SDK1: variants seen among roughly 807,000 people sequenced by gnomAD.
SDK1 encodes protein sidekick-1.
Under a neutral mutation model 245.5 loss-of-function variants are expected in SDK1, and 157 were observed. That is an observed-to-expected ratio of 0.64 (90% confidence interval 0.56 to 0.73). The LOEUF (loss-of-function observed/expected upper bound fraction) is 0.73. SDK1 is among the 30% of genes least tolerant of loss of function. The pLI, the probability that SDK1 is intolerant of heterozygous loss-of-function variation, is 0.00. For synonymous variants in SDK1, 1,647 were observed against 1,278.5 expected (o/e 1.29, Z -6.15); for missense variants, 3,583 against 3,002.3 (o/e 1.19, Z -4.52).
chr7:3,932,887 T>C lies in SDK1; in HGVS notation c.848-18036T>C, dbSNP rs530563544. ...AACACCCACCTCTGTCTCACCTGTGTGTTCAGATAGGGTGTGGCCGATTGT... is the reference window on the plus strand; with the variant it reads ...AACACCCACCTCTGTCTCACCTGTGCGTTCAGATAGGGTGTGGCCGATTGT... On this transcript the variant is annotated intron_variant, in intron 5 of 44. Transcript: ENST00000404826. 3.3e-5 allele frequency among the ~76,000 whole-genome samples: 5 copies of C among 152,240 alleles called. No individual in the cohort carries two copies. In the South Asian group the frequency reaches 1.0e-3, roughly 32 times the overall value.
At chr7:3,776,494 T>C (rs1780567006) in intron 4 of SDK1, among the ~76,000 whole-genome samples, 1 of 152,202 alleles carries the variant, frequency 6.6e-6, no homozygotes, top group Non-Finnish European at 1.5e-5. Context: ...TCAGATCCCA[T>C]TGTTGTGTAA....
At position 3,345,041 on chromosome 7, in the gene SDK1, C is replaced by G. The variant is rs561208207; in HGVS notation, c.298+43157C>G. On this transcript the variant is annotated intron_variant, in intron 1 of 44. Transcript: ENST00000404826. ...TTGTGCTTTATTACAGATTTTAAAA[C>G]ATATTGCAAGAAGTTAAGCGTTTAT... Among the ~76,000 whole-genome samples the G allele has an allele frequency of 4.6e-5, 7 of 152,252 alleles. No homozygotes were observed. The East Asian group carries it at 1.3e-3, about 29-fold the overall frequency.
intron 5 of SDK1, among the ~76,000 whole-genome samples, chr7:3,949,523 G>A (rs912903946): frequency 2.6e-5 from 4 of 152,192 alleles, no homozygotes; most frequent in Admixed American, 6.5e-5. Context: ...CGATGGTGGC[G>A]AGTCCCTTCA....
intron 17 of SDK1, among the ~76,000 whole-genome samples, chr7:4,029,223 T>C (rs904144943): frequency 7.7e-6 from 1 of 130,486 alleles, no homozygotes; most frequent in African/African-American, 4.0e-5. Flanking sequence ...TCTTTTTTTT[T>C]TTTTTTGTGA....
chr7:3,336,672 A>G (rs1204688849), intron 1 of SDK1, among the ~76,000 whole-genome samples: 1 of 152,084 alleles, frequency 6.6e-6, no homozygotes, highest in Non-Finnish European at 1.5e-5. Context: ...GGATGCAGCA[A>G]CAAACTGGCA....
intron 1 of SDK1, among the ~76,000 whole-genome samples, chr7:3,538,942 G>T (rs1184287131): frequency 6.6e-6 from 1 of 152,192 alleles, no homozygotes; most frequent in Non-Finnish European, 1.5e-5. Context: ...TTTTTTGCTG[G>T]ATTCCTTTTC....
At chr7:3,984,203 A>G (rs1030908500) in intron 13 of SDK1, among the ~76,000 whole-genome samples, 1 of 152,000 alleles carries the variant, frequency 6.6e-6, no homozygotes, top group Non-Finnish European at 1.5e-5. Context: ...GGGCAGAGGG[A>G]TGGAGGGACA....
chr7:3,894,680 A>G (rs903653720), intron 5 of SDK1, among the ~76,000 whole-genome samples: 1 of 151,810 alleles, frequency 6.6e-6, no homozygotes, highest in African/African-American at 2.4e-5. Context: ...AAACTAAAGC[A>G]GAGTAATACT....
At chr7:3,792,319 G>A (rs1356931414) in intron 4 of SDK1, among the ~76,000 whole-genome samples, 1 of 151,992 alleles carries the variant, frequency 6.6e-6, no homozygotes, top group Non-Finnish European at 1.5e-5. Flanking sequence ...AACTGCATGT[G>A]CCTTTCCTCC....
chr7:3,423,326 T>C (rs1779583271), intron 1 of SDK1, among the ~76,000 whole-genome samples: 1 of 152,198 alleles, frequency 6.6e-6, no homozygotes. Flanking sequence ...AGGAGGAAAT[T>C]ATGTAGTTAA....
chr7:4,010,718 G>T (rs939889837), intron 14 of SDK1, among the ~76,000 whole-genome samples: 6 of 152,170 alleles, frequency 3.9e-5, no homozygotes, highest in Non-Finnish European at 8.8e-5. Context: ...GCCGTATGCA[G>T]GTTGCACAAA....
intron 17 of SDK1, among the ~76,000 whole-genome samples, chr7:4,038,621 A>G (rs958829636): frequency 2.0e-5 from 3 of 152,178 alleles, no homozygotes; most frequent in African/African-American, 7.2e-5. Context: ...ACTGGTCCCA[A>G]ACATGTTGCT....
chr7:3,657,546 T>G lies in SDK1; in HGVS notation c.713+15441T>G, dbSNP rs148560926. On this transcript the variant is annotated intron_variant, in intron 4 of 44. Coordinates refer to ENST00000404826, the MANE Select transcript of SDK1 (RefSeq NM_152744.4). Reference sequence around the variant, plus strand: ...GAGGGACTGTGAGAGCCAGCTGTGCTCTCTCGTCACTTTCTGCCTGTGAGC... The same window carrying G: ...GAGGGACTGTGAGAGCCAGCTGTGCGCTCTCGTCACTTTCTGCCTGTGAGC... 9.1e-4 allele frequency among the ~76,000 whole-genome samples: 138 copies of G among 152,266 alleles called. No individual in the cohort carries two copies. The Middle Eastern group carries it at 0.01, about 11-fold the overall frequency.
chr7:3,670,712 G>C (rs1686814196), intron 4 of SDK1, among the ~76,000 whole-genome samples: 1 of 152,158 alleles, frequency 6.6e-6, no homozygotes, highest in African/African-American at 2.4e-5. Flanking sequence ...CCACCCGCTT[G>C]CTTCCCTTGC....
At chr7:3,826,265 G>A (rs527552591) in intron 5 of SDK1, among the ~76,000 whole-genome samples, 1 of 152,324 alleles carries the variant, frequency 6.6e-6, no homozygotes, top group Admixed American at 6.5e-5. Context: ...CCATCAGACA[G>A]AAGAGAGGAC....
chr7:3,873,675 T>G (rs1166868707), intron 5 of SDK1, among the ~76,000 whole-genome samples: 1 of 152,202 alleles, frequency 6.6e-6, no homozygotes, highest in Non-Finnish European at 1.5e-5. Context: ...ATTGATTAAT[T>G]CCTATTGACC....
chr7:4,141,870 C>A (rs982963522), intron 28 of SDK1, among the ~76,000 whole-genome samples: 2 of 152,170 alleles, frequency 1.3e-5, no homozygotes, highest in East Asian at 3.9e-4. Flanking sequence ...GATTCTCCTG[C>A]CTCAGCCTCC....
chr7:3,590,248 G>C (rs1330548989), intron 1 of SDK1, among the ~76,000 whole-genome samples: 1 of 147,400 alleles, frequency 6.8e-6, no homozygotes, highest in African/African-American at 2.5e-5. Context: ...AATTTTAGTG[G>C]ATTTGATGTA....
At chr7:4,009,017 G>A (rs934712384) in intron 14 of SDK1, among the ~76,000 whole-genome samples, 9 of 152,176 alleles carry the variant, frequency 5.9e-5, no homozygotes, top group South Asian at 2.1e-4. Flanking sequence ...CAGAACAACC[G>A]CGAAATGGGG....
Sources: gnomAD v4.1 joint callset for allele counts (sites outside exome capture counted in the v4.1 genomes callset) on GRCh38, gnomAD v4.1.1 for gene constraint, MANE v1.5 for transcripts, NCBI Gene and HGNC (gene_info 2026-07-23, HGNC 2026-07-21) for gene names.